Variants in RASGRF2 observed in about 807,000 individuals in gnomAD.
RASGRF2 encodes ras-specific guanine nucleotide-releasing factor 2.
RASGRF2 carries 76 observed loss-of-function variants against 151.0 expected under a neutral mutation model. The ratio of observed to expected loss-of-function variants is 0.50; its 90% CI spans 0.42 to 0.61. RASGRF2 has a LOEUF of 0.61. RASGRF2 is among the 20% of genes least tolerant of loss of function. The pLI, the probability that RASGRF2 is intolerant of heterozygous loss-of-function variation, is 0.00. For synonymous variants in RASGRF2, 504 were observed against 566.5 expected (o/e 0.89, Z 1.57); for missense variants, 1,148 against 1,564.6 (o/e 0.73, Z 4.49).
chr5:81,024,923 G>A (rs1749966367), intron 1 of RASGRF2, among the ~76,000 whole-genome samples: 1 of 152,206 alleles, frequency 6.6e-6, no homozygotes, highest in East Asian at 1.9e-4. Flanking sequence ...AGGGAAGGCC[G>A]ATGCCGGCTG....
chr5:80,968,288 CT>C (rs1747789482), intron 1 of RASGRF2, among the ~76,000 whole-genome samples: 1 of 152,178 alleles, frequency 6.6e-6, no homozygotes, highest in African/African-American at 2.4e-5. Context: ...GAATGCCAAC[CT>C]ACTCATCCTC....
Position 81,068,015 on chromosome 5 carries a change from T to A in RASGRF2, c.396-17T>A, listed in dbSNP as rs754856052. ...AGAACAATATCTCAATGACTAACTG[T>A]GTAATTTTCTCTCAAGTTATGCAGA... On this transcript the variant is annotated splice_polypyrimidine_tract_variant and intron_variant, in intron 2 of 26. Coordinates refer to ENST00000265080, the MANE Select transcript of RASGRF2 (RefSeq NM_006909.3). 1.3e-6 allele frequency: 2 copies of A among 1,584,610 alleles called. No individual in the cohort carries two copies. The highest frequency in any genetic ancestry group is 2.2e-5 in the East Asian group (1 of 44,560).
intron 21 of RASGRF2, among the ~76,000 whole-genome samples, chr5:81,208,013 A>C (rs1318263608): frequency 6.6e-6 from 1 of 152,328 alleles, no homozygotes; most frequent in East Asian, 1.9e-4. Flanking sequence ...TCCTGGGAAA[A>C]TAGTCTTGAT....
At chr5:81,180,051 A>C (rs943787471) in intron 17 of RASGRF2, 124 bp from the exon 18 acceptor site, 1 of 637,242 alleles carries the variant, frequency 1.6e-6, no homozygotes, top group South Asian at 1.8e-5. Flanking sequence ...AGCCACGCGC[A>C]CCTCTCTGCC....
chr5:81,041,338 T>C (rs886982773), intron 1 of RASGRF2, among the ~76,000 whole-genome samples: 1 of 151,834 alleles, frequency 6.6e-6, no homozygotes, highest in Non-Finnish European at 1.5e-5. Context: ...TTGTACTGAC[T>C]GATCGTGATC....
rs1389117338 is a variant in RASGRF2, at chr5:81,226,987, T to C, written c.*1217T>C. ...GAAGTGACCTTCCTTTTCCCAAGATTGTCAGTTGTTGAAGAAATAGGGCTA... is the reference window on the plus strand; with the variant it reads ...GAAGTGACCTTCCTTTTCCCAAGATCGTCAGTTGTTGAAGAAATAGGGCTA... On this transcript the variant is annotated 3_prime_UTR_variant, in exon 27 of 27. Coordinates refer to ENST00000265080, the MANE Select transcript of RASGRF2 (RefSeq NM_006909.3). The C allele has an allele frequency of 6.6e-6, 1 of 152,222 alleles. No individual in the cohort carries two copies. The highest frequency in any genetic ancestry group is 1.5e-5 in the Non-Finnish European group (1 of 68,036). 9.4% of individuals were successfully genotyped at this position (152,222 alleles called of 1,614,324 possible).
chr5:81,055,390 G>A (rs1252792630), intron 2 of RASGRF2, among the ~76,000 whole-genome samples: 1 of 152,090 alleles, frequency 6.6e-6, no homozygotes, highest in Non-Finnish European at 1.5e-5. Context: ...ATAATCATGT[G>A]GTTTTTATCG....
At chr5:81,222,145 A>G (rs1755869780) in intron 26 of RASGRF2, among the ~76,000 whole-genome samples, 1 of 152,292 alleles carries the variant, frequency 6.6e-6, no homozygotes, top group African/African-American at 2.4e-5. Context: ...TTATGGAGGT[A>G]TCAGCTGACA....
intron 17 of RASGRF2, among the ~76,000 whole-genome samples, chr5:81,171,569 GTGTA>G (rs1325207644): frequency 2.6e-5 from 4 of 151,978 alleles, no homozygotes; most frequent in Admixed American, 6.6e-5. Context: ...GTGTGTGTGT[GTGTA>G]TGTGTTCTGC....
intron 1 of RASGRF2, among the ~76,000 whole-genome samples, chr5:80,996,449 G>T (rs1580181092): frequency 7.6e-6 from 1 of 132,224 alleles, no homozygotes; most frequent in South Asian, 2.5e-4. Context: ...GAAACTGCAG[G>T]ATACTTGGAA....
chr5:81,123,765 G>C lies in RASGRF2; in HGVS notation c.2594G>C (p.Gly865Ala), dbSNP rs773114307. 9 of 1,613,472 alleles carry C rather than the reference G, an allele frequency of 5.6e-6. No homozygotes were observed. The highest frequency in any genetic ancestry group is 1.7e-4 in the Middle Eastern group (1 of 5,992). The change falls in exon 16 of 27, where the codon GGA becomes GCA. Residue 865 changes from glycine (G) to alanine (A), a missense_variant and splice_region_variant. Coordinates refer to ENST00000265080, the MANE Select transcript of RASGRF2 (RefSeq NM_006909.3). ...TPRHLRYRQP[G>A]GQTADNAHCS... ...CGGCACCTCCGCTATCGACAGCCTGGAGGTAAGAGCTCAAGAGGGACTCAG... is the reference window on the plus strand; with the variant it reads ...CGGCACCTCCGCTATCGACAGCCTGCAGGTAAGAGCTCAAGAGGGACTCAG...
rs113668732 is a variant in RASGRF2 at position 81,087,051 on chromosome 5, T to A, written c.1390+98T>A. Reference sequence around the variant, plus strand: ...AGGCGTTCTGAACAGGCGTGACGGGTGCGGTGCCCGAAGGACCCCCCCACG... The same window carrying A: ...AGGCGTTCTGAACAGGCGTGACGGGAGCGGTGCCCGAAGGACCCCCCCACG... On this transcript the variant is annotated intron_variant, in intron 9 of 26. Transcript: ENST00000265080. The A allele has an allele frequency of 1.4e-3, 1,615 of 1,138,580 alleles. 19 individuals carry two copies. In the African/African-American group the frequency reaches 0.022, roughly 16 times the overall value. 70.5% of individuals were successfully genotyped at this position (1,138,580 alleles called of 1,614,324 possible).
At chr5:81,130,737 C>G (rs1391102301) in intron 17 of RASGRF2, among the ~76,000 whole-genome samples, 1 of 125,480 alleles carries the variant, frequency 8.0e-6, no homozygotes, top group African/African-American at 3.7e-5. Context: ...CCGGATGCAT[C>G]CAGGTGAGTT....
At chr5:81,139,892 A>G (rs1395621469) in intron 17 of RASGRF2, among the ~76,000 whole-genome samples, 3 of 152,108 alleles carry the variant, frequency 2.0e-5, no homozygotes, top group Non-Finnish European at 4.4e-5. Flanking sequence ...CAGTGACACA[A>G]TCATGGCTCA....
chr5:81,094,942 T>C lies in RASGRF2; in HGVS notation c.1705T>C (p.Leu569=). ...CGCTGCCGCCTTCACTGTTGTCTTG[T>C]TAGCACCCTCACGCCAGGAGAAAGC... ...PDAAAFTVVL[L]APSRQEKAAW... is the part of the protein sequence containing the mutation. The change falls in exon 12 of 27, where the codon TTA becomes CTA. Residue 569 remains leucine, a synonymous_variant. Transcript: ENST00000265080. 8 of 1,598,758 alleles carry C rather than the reference T, an allele frequency of 5.0e-6. No individual in the cohort carries two copies. Among genetic ancestry groups the C allele is most frequent in the Non-Finnish European group, 6.8e-6 (8 of 1,171,748 alleles).
At chr5:81,052,728 A>T (rs945082361) in intron 2 of RASGRF2, among the ~76,000 whole-genome samples, 2 of 152,158 alleles carry the variant, frequency 1.3e-5, no homozygotes, top group African/African-American at 4.8e-5. Flanking sequence ...GGTGTGAGTA[A>T]AGATAGAGAA....
chr5:81,152,200 T>A (rs1203516817), intron 17 of RASGRF2, among the ~76,000 whole-genome samples: 3 of 151,996 alleles, frequency 2.0e-5, no homozygotes, highest in African/African-American at 7.2e-5. Context: ...CGGGGATTCA[T>A]CATGTTGGCC....
intron 18 of RASGRF2, among the ~76,000 whole-genome samples, chr5:81,195,488 A>G (rs546378705): frequency 7.9e-5 from 12 of 152,266 alleles, no homozygotes; most frequent in Admixed American, 2.0e-4. Context: ...TGTATTTTAC[A>G]TGCATTTGTA....
rs9293833 is a variant in RASGRF2, at chr5:81,099,036, C to T, written c.1755+4044C>T. ...CCACAGATAACCTACATTAGAATTA[C>T]GTGAGGACTGTTTTTAAATGCAGAT... On this transcript the variant is annotated intron_variant, in intron 12 of 26. Transcript: ENST00000265080. 8.9e-3 allele frequency among the ~76,000 whole-genome samples: 1,355 copies of T among 152,274 alleles called. 23 individuals are homozygous for T. Among genetic ancestry groups the T allele is most frequent in the African/African-American group, 0.031 (1,287 of 41,556 alleles).
Sources: allele counts gnomAD v4.1 joint callset (sites outside exome capture counted in the v4.1 genomes callset), GRCh38; gene constraint gnomAD v4.1.1; transcripts MANE v1.5; gene names NCBI Gene and HGNC (gene_info 2026-07-23, HGNC 2026-07-21).